OPCML: variants seen among roughly 807,000 people sequenced by gnomAD.
OPCML encodes opioid-binding protein/cell adhesion molecule.
In OPCML, 13 loss-of-function variants were observed where a neutral mutation model predicts 37.8. The ratio of observed to expected loss-of-function variants is 0.34; its 90% confidence interval spans 0.22 to 0.55. The LOEUF (loss-of-function observed/expected upper bound fraction) is 0.55, where lower values mean the gene tolerates loss of function less well. Among genes scored for constraint, OPCML ranks in the 20% least tolerant of loss-of-function variants. The probability of loss-of-function intolerance (pLI) is 0.91; values close to 1 mark genes in which losing one functional copy is unlikely to be tolerated. For missense variants in OPCML, 341 were observed against 435.6 expected (o/e 0.78, Z 1.93); for synonymous variants, 176 against 168.8 (o/e 1.04, Z -0.33).
rs559384153 is a variant in OPCML, at chr11:133,134,913, G to C, written c.62-191903C>G. On this transcript the variant is annotated intron_variant, in intron 1 of 7. Transcript: ENST00000524381. ...CACTTTCTTTTACTTGTATTTTCTG[G>C]AGTATTTTTTCCATTCCCAGACTCT... Among the ~76,000 whole-genome samples the C allele has an allele frequency of 2.6e-5, 4 of 152,284 alleles. No homozygotes were observed. In the East Asian group the frequency reaches 7.7e-4, roughly 29 times the overall value.
intron 1 of OPCML, among the ~76,000 whole-genome samples, chr11:133,367,188 A>T (rs1488677557): frequency 6.6e-6 from 1 of 152,188 alleles, no homozygotes; most frequent in Non-Finnish European, 1.5e-5. Flanking sequence ...CATGTTGGCT[A>T]GGATGGTCTC....
intron 4 of OPCML, among the ~76,000 whole-genome samples, chr11:132,466,857 TTTAA>T (rs2096121578): frequency 6.6e-6 from 1 of 152,158 alleles, no homozygotes; most frequent in African/African-American, 2.4e-5. Context: ...GGCAGGTAAT[TTTAA>T]TTATGCATGC....
intron 3 of OPCML, among the ~76,000 whole-genome samples, chr11:132,605,826 T>C (rs970290795): frequency 6.6e-6 from 1 of 152,108 alleles, no homozygotes; most frequent in Non-Finnish European, 1.5e-5. Flanking sequence ...ACTCAACACA[T>C]AGGAAGAACT....
intron 1 of OPCML, among the ~76,000 whole-genome samples, chr11:133,248,371 C>T (rs1325111434): frequency 6.6e-6 from 1 of 152,212 alleles, no homozygotes; most frequent in African/African-American, 2.4e-5. Context: ...AAGGAAGACG[C>T]AGAGTAGACA....
Position 132,937,495 on chromosome 11 carries a change from A to T in OPCML, c.146+5431T>A, listed in dbSNP as rs74692975. 8.9e-3 allele frequency among the ~76,000 whole-genome samples: 1,268 copies of T among 142,626 alleles called. 11 individuals carry two copies. Among genetic ancestry groups the T allele is most frequent in the Middle Eastern group, 0.03 (8 of 268 alleles). The allele number at this position is 142,626 out of a possible 152,430, so 93.6% of individuals were successfully genotyped here. Reference sequence around the variant, plus strand: ...CAGGGGGACAGAGAGAGAGAGAGAGAGTGTGTGTGTATGTGTGTCTGTGTG... The same window carrying T: ...CAGGGGGACAGAGAGAGAGAGAGAGTGTGTGTGTGTATGTGTGTCTGTGTG... On this transcript the variant is annotated intron_variant, in intron 2 of 7. Transcript: ENST00000524381.
At chr11:132,705,902 G>A (rs1188008830) in intron 2 of OPCML, among the ~76,000 whole-genome samples, 1 of 152,064 alleles carries the variant, frequency 6.6e-6, no homozygotes, top group Non-Finnish European at 1.5e-5. Context: ...CCACCTCCCG[G>A]GTTCAAGTGA....
chr11:133,213,125 C>T (rs1939433898), intron 1 of OPCML, among the ~76,000 whole-genome samples: 1 of 152,068 alleles, frequency 6.6e-6, no homozygotes, highest in South Asian at 2.1e-4. Flanking sequence ...ATCTCTCAAG[C>T]TGGGTTCCTT....
At chr11:132,697,141 G>A (rs547137327) in intron 2 of OPCML, among the ~76,000 whole-genome samples, 2 of 152,230 alleles carry the variant, frequency 1.3e-5, no homozygotes, top group South Asian at 4.1e-4. Flanking sequence ...TTTCATTGAG[G>A]TATAATTGAC....
At position 132,420,016 on chromosome 11, in the gene OPCML, C is replaced by CCCAA; in HGVS notation, c.*176_*177insTTGG. The CCCAA allele has an allele frequency of 2.0e-6, 1 of 493,578 alleles. No homozygotes were observed. Among genetic ancestry groups the CCCAA allele is most frequent in the Non-Finnish European group, 3.7e-6 (1 of 272,668 alleles). The allele number at this position is 493,578 out of a possible 1,614,324, so 30.6% of individuals were successfully genotyped here. A position where few individuals can be genotyped will look rare whatever the true frequency, so the allele number is the denominator to read the frequency against. ...ACCCTGCCCACCCCGCCCCCAACCC[C>CCCAA]ACTCATTCAAGCTGGAAATAAAAGC... On this transcript the variant is annotated 3_prime_UTR_variant, in exon 8 of 8. Coordinates refer to ENST00000524381, the MANE Select transcript of OPCML (RefSeq NM_001012393.5).
intron 3 of OPCML, among the ~76,000 whole-genome samples, chr11:132,532,675 T>C (rs1208434348): frequency 2.0e-5 from 3 of 152,128 alleles, no homozygotes; most frequent in Admixed American, 6.5e-5. Context: ...TGTGCTCTGC[T>C]TCAAATGCCT....
intron 1 of OPCML, among the ~76,000 whole-genome samples, chr11:133,510,494 A>G (rs1336857439): frequency 6.6e-6 from 1 of 152,248 alleles, no homozygotes; most frequent in Non-Finnish European, 1.5e-5. Context: ...TTGTGGGCAT[A>G]GAATTAGCTT....
At chr11:132,531,592 T>G (rs2096325201) in intron 3 of OPCML, among the ~76,000 whole-genome samples, 2 of 152,116 alleles carry the variant, frequency 1.3e-5, no homozygotes, top group South Asian at 4.1e-4. Context: ...CATTAGCAAA[T>G]AAATAAAAAT....
chr11:133,022,166 A>G (rs1591920512), intron 1 of OPCML, among the ~76,000 whole-genome samples: 1 of 152,120 alleles, frequency 6.6e-6, no homozygotes, highest in South Asian at 2.1e-4. Context: ...TGGAGATGAC[A>G]CATTTTTCTG....
intron 1 of OPCML, among the ~76,000 whole-genome samples, chr11:133,247,559 TC>T (rs1940977207): frequency 6.8e-6 from 1 of 147,820 alleles, no homozygotes. Flanking sequence ...TTTCTTTCTT[TC>T]TTTCTTTCTT....
At chr11:132,553,940 C>T (rs1215152134) in intron 3 of OPCML, among the ~76,000 whole-genome samples, 2 of 152,154 alleles carry the variant, frequency 1.3e-5, no homozygotes, top group African/African-American at 4.8e-5. Flanking sequence ...CCAAAGCCTC[C>T]TTCCCTTCTT....
chr11:132,797,273 A>C (rs1938380872), intron 2 of OPCML, among the ~76,000 whole-genome samples: 2 of 152,188 alleles, frequency 1.3e-5, no homozygotes, highest in African/African-American at 4.8e-5. Context: ...TGTTGGATTA[A>C]TTTTGGTGTA....
intron 2 of OPCML, among the ~76,000 whole-genome samples, chr11:132,805,463 G>A (rs992468892): frequency 2.0e-5 from 3 of 152,120 alleles, no homozygotes; most frequent in Non-Finnish European, 4.4e-5. Flanking sequence ...CAGCAAACAT[G>A]AAACAGAATA....
At chr11:133,107,841 T>C (rs1378759802) in intron 1 of OPCML, among the ~76,000 whole-genome samples, 1 of 152,198 alleles carries the variant, frequency 6.6e-6, no homozygotes, top group Non-Finnish European at 1.5e-5. Context: ...TGCCTACTTG[T>C]CTTAATTTAT....
chr11:133,339,607 T>C (rs1009529891), intron 1 of OPCML, among the ~76,000 whole-genome samples: 1 of 152,174 alleles, frequency 6.6e-6, no homozygotes, highest in Admixed American at 6.5e-5. Flanking sequence ...TTCCCCTTCT[T>C]TGAATCTTAG....
Sources: allele counts gnomAD v4.1 joint callset (sites outside exome capture counted in the v4.1 genomes callset), GRCh38; gene constraint gnomAD v4.1.1; transcripts MANE v1.5; gene names NCBI Gene and HGNC (gene_info 2026-07-23, HGNC 2026-07-21).